Variants in MACROD1 observed in about 807,000 individuals in gnomAD.
The protein encoded by MACROD1 is ADP-ribose glycohydrolase MACROD1.
Under a neutral mutation model 41.4 loss-of-function variants are expected in MACROD1, and 31 were observed. The ratio of observed to expected loss-of-function variants is 0.75; its 90% CI spans 0.56 to 1.01. The LOEUF (loss-of-function observed/expected upper bound fraction) is 1.01, where lower values mean the gene tolerates loss of function less well. Ranked by LOEUF, MACROD1 falls within the 50% of genes least tolerant of loss-of-function variation. The pLI is 0.00. For missense variants in MACROD1, 473 were observed against 460.0 expected (o/e 1.03, Z -0.26); for synonymous variants, 252 against 203.4 (o/e 1.24, Z -2.03).
chr11:64,071,361 G>C (rs1283743047), intron 3 of MACROD1, among the ~76,000 whole-genome samples: 1 of 152,176 alleles, frequency 6.6e-6, no homozygotes, highest in African/African-American at 2.4e-5. Flanking sequence ...GCCCAGCACA[G>C]AGCAGCTCTC....
At chr11:64,009,433 C>T (rs1942967435) in intron 4 of MACROD1, among the ~76,000 whole-genome samples, 1 of 152,190 alleles carries the variant, frequency 6.6e-6, no homozygotes, top group African/African-American at 2.4e-5. Flanking sequence ...TGCAGAACTC[C>T]TATTTAGCCT....
At chr11:63,999,297 G>A in intron 8 of MACROD1, 34 bp downstream of exon 8, 1 of 1,545,644 alleles carries the variant, frequency 6.5e-7, no homozygotes, top group South Asian at 1.2e-5. Flanking sequence ...TGGCCGGGAT[G>A]CGGACCCCAC....
chr11:64,001,179 G>A (rs891586614), intron 4 of MACROD1: 3 of 546,156 alleles, frequency 5.5e-6, no homozygotes, highest in Non-Finnish European at 9.8e-6. Flanking sequence ...CCAGGGCACC[G>A]CGCAGGAGAG....
chr11:64,128,856 G>A (rs1473845386), intron 3 of MACROD1, among the ~76,000 whole-genome samples: 1 of 152,168 alleles, frequency 6.6e-6, no homozygotes, highest in Non-Finnish European at 1.5e-5. Flanking sequence ...CACTTGTCTG[G>A]CACCAGGAGG....
chr11:64,015,229 A>G (rs1193668047), intron 4 of MACROD1, 23 bp downstream of exon 4: 11 of 1,591,012 alleles, frequency 6.9e-6, no homozygotes, highest in Non-Finnish European at 9.4e-6. Flanking sequence ...CCCCACCCCC[A>G]CCAAGACAGA....
intron 3 of MACROD1, among the ~76,000 whole-genome samples, chr11:64,051,432 C>A (rs530368680): frequency 6.6e-6 from 1 of 152,162 alleles, no homozygotes; most frequent in Non-Finnish European, 1.5e-5. Context: ...TGATGGCGGA[C>A]CCACCCTCCC....
At chr11:64,008,330 T>G (rs1942948743) in intron 4 of MACROD1, among the ~76,000 whole-genome samples, 1 of 142,736 alleles carries the variant, frequency 7.0e-6, no homozygotes, top group Non-Finnish European at 1.5e-5. Flanking sequence ...TCCCAGCATG[T>G]GTGTGAGGAG....
At position 64,044,085 on chromosome 11, in the gene MACROD1, C is replaced by T. The variant is rs928149696; in HGVS notation, c.518-28804G>A. Among the ~76,000 whole-genome samples the T allele has an allele frequency of 2.6e-5, 4 of 151,432 alleles. No individual in the cohort carries two copies. The South Asian group carries it at 6.3e-4, about 24-fold the overall frequency. Reference sequence around the variant, plus strand: ...CCCACTTCGGCCTCCCAAAGTGCTGCGGTTACAGGTGTGAGCCACTGTGCC... The same window carrying T: ...CCCACTTCGGCCTCCCAAAGTGCTGTGGTTACAGGTGTGAGCCACTGTGCC... On this transcript the variant is annotated intron_variant, in intron 3 of 10. Coordinates refer to ENST00000255681, the MANE Select transcript of MACROD1 (RefSeq NM_014067.4).
At chr11:63,998,727 C>T (rs974461669) in intron 10 of MACROD1, 40 bp from the exon 11 acceptor site, 10 of 1,412,982 alleles carry the variant, frequency 7.1e-6, no homozygotes, top group Admixed American at 3.0e-5. Flanking sequence ...ATGGGCGTCC[C>T]CGACCTCCCA....
chr11:64,151,466 G>A (rs1347990480), intron 2 of MACROD1, 111 bp from the exon 3 acceptor site: 7 of 742,682 alleles, frequency 9.4e-6, no homozygotes, highest in East Asian at 2.5e-5. Flanking sequence ...CACCTCCAGG[G>A]GCAGCCTGCA....
At chr11:64,021,241 G>A (rs551900411) in intron 3 of MACROD1, among the ~76,000 whole-genome samples, 1 of 152,348 alleles carries the variant, frequency 6.6e-6, no homozygotes, top group African/African-American at 2.4e-5. Context: ...GCCATGCAGG[G>A]GAGCCCACCC....
chr11:64,033,124 G>A (rs904231099), intron 3 of MACROD1, among the ~76,000 whole-genome samples: 10 of 152,326 alleles, frequency 6.6e-5, no homozygotes, highest in African/African-American at 2.4e-4. Context: ...CTCTGTCTTG[G>A]GGTCACGAGG....
chr11:64,164,049 T>G (rs1222944906), intron 1 of MACROD1, among the ~76,000 whole-genome samples: 1 of 152,192 alleles, frequency 6.6e-6, no homozygotes, highest in African/African-American at 2.4e-5. Context: ...TATGGTGTCT[T>G]CACAGCACTG....
intron 3 of MACROD1, among the ~76,000 whole-genome samples, chr11:64,018,060 G>A (rs908829786): frequency 6.6e-6 from 1 of 152,206 alleles, no homozygotes; most frequent in African/African-American, 2.4e-5. Flanking sequence ...CCTGAGGAGG[G>A]GGTGAGCTGG....
At chr11:64,008,401 G>GAGGCGGGAGGGCCCACGCACACAT (rs147518923) in intron 4 of MACROD1, among the ~76,000 whole-genome samples, 438 of 148,448 alleles carry the variant, frequency 3.0e-3, no homozygotes, top group South Asian at 3.5e-3. Flanking sequence ...GGCCTGGGGA[G>GAGGCGGGAGGGCCCACGCACACAT]AGGCGCCCAG....
intron 3 of MACROD1, among the ~76,000 whole-genome samples, chr11:64,109,630 T>C (rs138424943): frequency 2.6e-5 from 4 of 152,104 alleles, no homozygotes; most frequent in Middle Eastern, 3.4e-3. Context: ...AAAACCCTCT[T>C]ACCTCCCCGG....
intron 3 of MACROD1, among the ~76,000 whole-genome samples, chr11:64,101,765 G>A (rs1301252402): frequency 6.6e-6 from 1 of 152,186 alleles, no homozygotes; most frequent in Non-Finnish European, 1.5e-5. Context: ...CCCTTCCAGG[G>A]CCTGTGCCCC....
chr11:64,133,731 C>T (rs1389429070), intron 3 of MACROD1, among the ~76,000 whole-genome samples: 1 of 152,148 alleles, frequency 6.6e-6, no homozygotes, highest in Non-Finnish European at 1.5e-5. Flanking sequence ...CCCTGGGATC[C>T]GGTCATGACG....
intron 3 of MACROD1, among the ~76,000 whole-genome samples, chr11:64,132,339 G>A (rs991327120): frequency 6.6e-6 from 1 of 151,424 alleles, no homozygotes; most frequent in Non-Finnish European, 1.5e-5. Context: ...GAAGACCAAG[G>A]GGAATCTTCT....
Sources: allele counts gnomAD v4.1 joint callset (sites outside exome capture counted in the v4.1 genomes callset), GRCh38; gene constraint gnomAD v4.1.1; transcripts MANE v1.5; gene names NCBI Gene and HGNC (gene_info 2026-07-23, HGNC 2026-07-21).